Variants in WDR70 observed in about 807,000 individuals in gnomAD.
WDR70 encodes the protein WD repeat-containing protein 70.
In WDR70, 53 loss-of-function variants were observed where a neutral mutation model predicts 88.6. That is an observed-to-expected ratio of 0.60 (90% CI 0.48 to 0.75). The LOEUF is 0.75. Ranked by LOEUF, WDR70 falls within the 30% of genes least tolerant of loss-of-function variation. WDR70 has a pLI of 0.00. For synonymous variants in WDR70, 280 were observed against 270.0 expected (o/e 1.04, Z -0.36); for missense variants, 610 against 823.2 (o/e 0.74, Z 3.17).
chr5:37,515,839 G>A (rs1393433885), intron 8 of WDR70, among the ~76,000 whole-genome samples: 5 of 152,232 alleles, frequency 3.3e-5, no homozygotes, highest in African/African-American at 9.6e-5. Flanking sequence ...AGGGAATTAT[G>A]CATTTGTATA....
chr5:37,742,442 T>C (rs1748512762), intron 17 of WDR70, among the ~76,000 whole-genome samples: 1 of 152,084 alleles, frequency 6.6e-6, no homozygotes, highest in Non-Finnish European at 1.5e-5. Context: ...AAAAATTTTT[T>C]TATTGTTGTT....
rs375336676 is a variant in WDR70 at position 37,416,134 on chromosome 5, T to C, written c.492+19564T>C. ...GGCGGCCGGGCAGAGGCTGCAATCT[T>C]GGCACTTTGGGAGGCCAAGGCAGGC... On this transcript the variant is annotated intron_variant, in intron 5 of 17. Transcript: ENST00000265107. Among the ~76,000 whole-genome samples, 4 of 152,128 alleles carry C rather than the reference T, an allele frequency of 2.6e-5. No individual in the cohort carries two copies. In the East Asian group the frequency reaches 5.8e-4, roughly 22 times the overall value.
chr5:37,737,188 A>G (rs1748327675), intron 17 of WDR70, among the ~76,000 whole-genome samples: 1 of 152,094 alleles, frequency 6.6e-6, no homozygotes, highest in Admixed American at 6.6e-5. Context: ...AAAACTTTAT[A>G]TATATTATTA....
At chr5:37,575,575 G>C (rs1032766643) in intron 9 of WDR70, among the ~76,000 whole-genome samples, 3 of 152,188 alleles carry the variant, frequency 2.0e-5, no homozygotes, top group Admixed American at 1.3e-4. Flanking sequence ...AACTATGAGA[G>C]CTTCCAGTTT....
At chr5:37,633,025 A>G (rs929260058) in intron 10 of WDR70, among the ~76,000 whole-genome samples, 1 of 152,204 alleles carries the variant, frequency 6.6e-6, no homozygotes, top group African/African-American at 2.4e-5. Context: ...TGCCTGTAGT[A>G]CTCAGTATAG....
At chr5:37,663,367 C>G (rs939897406) in intron 10 of WDR70, among the ~76,000 whole-genome samples, 18 of 152,080 alleles carry the variant, frequency 1.2e-4, no homozygotes, top group African/African-American at 4.3e-4. Flanking sequence ...TTAAACTGTG[C>G]TTTATTTTCT....
At chr5:37,639,243 T>C (rs1745045744) in intron 10 of WDR70, among the ~76,000 whole-genome samples, 1 of 152,190 alleles carries the variant, frequency 6.6e-6, no homozygotes, top group Non-Finnish European at 1.5e-5. Flanking sequence ...ATTCTGATCA[T>C]GTGATTAAGA....
At chr5:37,390,015 G>A (rs1233763438) in intron 3 of WDR70, among the ~76,000 whole-genome samples, 2 of 152,056 alleles carry the variant, frequency 1.3e-5, no homozygotes, top group Admixed American at 1.3e-4. Context: ...CTTTGCTGCT[G>A]CTCAACTTGG....
chr5:37,691,925 T>C (rs1038310512), intron 10 of WDR70, among the ~76,000 whole-genome samples: 4 of 152,092 alleles, frequency 2.6e-5, no homozygotes, highest in African/African-American at 9.7e-5. Context: ...GAGCTGGTTT[T>C]TTGAAAAGAT....
intron 10 of WDR70, among the ~76,000 whole-genome samples, chr5:37,626,531 T>G (rs1471901189): frequency 6.6e-6 from 1 of 152,166 alleles, no homozygotes; most frequent in African/African-American, 2.4e-5. Context: ...TGGTGAAGAT[T>G]TTTGCAACAG....
chr5:37,384,802 A>G (rs1332057279), intron 3 of WDR70, among the ~76,000 whole-genome samples: 1 of 151,862 alleles, frequency 6.6e-6, no homozygotes, highest in Non-Finnish European at 1.5e-5. Context: ...TTCTGACACC[A>G]GATATGTAGG....
intron 5 of WDR70, among the ~76,000 whole-genome samples, chr5:37,396,971 T>C (rs1278936800): frequency 6.6e-6 from 1 of 152,130 alleles, no homozygotes; most frequent in Admixed American, 6.6e-5. Context: ...GGCGAAACTC[T>C]GTTTCTACAA....
intron 7 of WDR70, among the ~76,000 whole-genome samples, chr5:37,450,839 ATG>A (rs375845131): frequency 2.6e-5 from 4 of 151,688 alleles, no homozygotes; most frequent in Admixed American, 6.6e-5. Flanking sequence ...GTATATATTT[ATG>A]TGTGTGTGTG....
At chr5:37,545,081 T>G (rs1241474642) in intron 9 of WDR70, among the ~76,000 whole-genome samples, 1 of 152,234 alleles carries the variant, frequency 6.6e-6, no homozygotes, top group East Asian at 1.9e-4. Flanking sequence ...AATTTATAAT[T>G]TATTTCATTG....
chr5:37,711,770 C>T (rs1747517633), intron 13 of WDR70, among the ~76,000 whole-genome samples: 1 of 152,130 alleles, frequency 6.6e-6, no homozygotes. Flanking sequence ...AGGGCATCAT[C>T]ATATTACTAA....
chr5:37,442,102 A>G (rs1750673625), intron 6 of WDR70, among the ~76,000 whole-genome samples: 1 of 149,076 alleles, frequency 6.7e-6, no homozygotes, highest in African/African-American at 2.5e-5. Context: ...CAGAGCCGCA[A>G]TCTCAGCTCA....
At position 37,718,914 on chromosome 5, in the gene WDR70, TAA is replaced by T. The variant is rs557844794; in HGVS notation, c.1417-2200_1417-2199del. 1.4e-4 allele frequency among the ~76,000 whole-genome samples: 21 copies of T among 152,178 alleles called. No individual in the cohort carries two copies. The South Asian group carries it at 4.1e-3, about 30-fold the overall frequency. ...GCAGACAATCAGCATCATTAATAAA[TAA>T]GTTATATATTATATTAAAAGATGAT... On this transcript the variant is annotated intron_variant, in intron 13 of 17. Transcript: ENST00000265107.
chr5:37,483,101 GTTT>G (rs35122146), intron 8 of WDR70, among the ~76,000 whole-genome samples: 2 of 129,884 alleles, frequency 1.5e-5, no homozygotes, highest in Non-Finnish European at 3.2e-5. Context: ...AGTGGTCTCA[GTTT>G]TTTTTTTTTT....
chr5:37,415,952 TGGC>T (rs1396921176), intron 5 of WDR70, among the ~76,000 whole-genome samples: 8 of 149,838 alleles, frequency 5.3e-5, no homozygotes, highest in African/African-American at 2.0e-4. Context: ...CTAGATGGGC[TGGC>T]GGCCGGGAAG....
Sources: allele counts gnomAD v4.1 joint callset (sites outside exome capture counted in the v4.1 genomes callset), GRCh38; gene constraint gnomAD v4.1.1; transcripts MANE v1.5; gene names NCBI Gene and HGNC (gene_info 2026-07-23, HGNC 2026-07-21).